MAGI2: variants seen among roughly 807,000 people sequenced by gnomAD.
MAGI2 encodes membrane associated guanylate kinase, WW and PDZ domain containing 2.
Under a neutral mutation model 133.3 loss-of-function variants are expected in MAGI2, and 35 were observed. That is an observed-to-expected ratio of 0.26 (90% CI 0.20 to 0.35). The LOEUF is 0.35. Ranked by LOEUF, MAGI2 falls within the 10% of genes least tolerant of loss-of-function variation. The probability of loss-of-function intolerance (pLI) is 1.00; values close to 1 mark genes in which losing one functional copy is unlikely to be tolerated. For synonymous variants in MAGI2, 729 were observed against 710.6 expected, an observed-to-expected ratio of 1.03 and a Z score of -0.41; for missense variants, 1,636 against 1,863.4, an observed-to-expected ratio of 0.88 and a Z score of 2.25.
intron 6 of MAGI2, among the ~76,000 whole-genome samples, chr7:78,435,496 G>A (rs967559464): frequency 3.9e-5 from 6 of 152,054 alleles, no homozygotes; most frequent in African/African-American, 1.4e-4. Context: ...CTCCAGCTGA[G>A]CCTACCCTGG....
intron 10 of MAGI2, among the ~76,000 whole-genome samples, chr7:78,214,917 T>C (rs893707076): frequency 1.3e-5 from 2 of 152,220 alleles, no homozygotes; most frequent in African/African-American, 4.8e-5. Flanking sequence ...CCTGTAGAAC[T>C]TCCCAGGCAG....
At chr7:78,275,934 A>G (rs958375720) in intron 9 of MAGI2, among the ~76,000 whole-genome samples, 3 of 152,174 alleles carry the variant, frequency 2.0e-5, no homozygotes, top group Admixed American at 6.5e-5. Context: ...TTTCAGTTTT[A>G]GTTACACAGA....
chr7:78,418,960 C>T (rs772312685), intron 6 of MAGI2, among the ~76,000 whole-genome samples: 1 of 152,056 alleles, frequency 6.6e-6, no homozygotes, highest in Non-Finnish European at 1.5e-5. Flanking sequence ...AGGAGGAGGT[C>T]AGCAAGAAAT....
At chr7:78,592,632 A>G (rs1055633001) in intron 3 of MAGI2, among the ~76,000 whole-genome samples, 8 of 152,186 alleles carry the variant, frequency 5.3e-5, no homozygotes, top group African/African-American at 1.9e-4. Context: ...TAAAACTCAC[A>G]CAGGAAATAT....
intron 3 of MAGI2, among the ~76,000 whole-genome samples, chr7:78,551,567 A>G (rs907824408): frequency 6.6e-6 from 1 of 152,210 alleles, no homozygotes; most frequent in Admixed American, 6.5e-5. Flanking sequence ...TGAATAATAT[A>G]CCCACTGCAT....
chr7:79,020,118 G>A (rs997088214), intron 1 of MAGI2, among the ~76,000 whole-genome samples: 8 of 152,300 alleles, frequency 5.3e-5, no homozygotes, highest in Admixed American at 5.2e-4. Context: ...CTCAGTTGGA[G>A]ATGAGGAACT....
chr7:78,820,424 CGG>C (rs1563543998), intron 2 of MAGI2, among the ~76,000 whole-genome samples: 1 of 151,556 alleles, frequency 6.6e-6, no homozygotes, highest in Non-Finnish European at 1.5e-5. Context: ...CCTGAAGGAA[CGG>C]AGAGACATAG....
chr7:78,537,069 C>T (rs1563139572), intron 3 of MAGI2, among the ~76,000 whole-genome samples: 1 of 151,876 alleles, frequency 6.6e-6, no homozygotes, highest in Non-Finnish European at 1.5e-5. Context: ...TTTAGTTTTC[C>T]ATTCCTGAGT....
rs561035002 is a variant in MAGI2, at chr7:78,287,784, T to C, written c.1409-31203A>G. 7.7e-4 allele frequency among the ~76,000 whole-genome samples: 117 copies of C among 152,342 alleles called. 1 individual carries two copies. The South Asian group carries it at 0.023, about 31-fold the overall frequency. ...GCAATCATTTAAAAGTGTTTTTCTT[T>C]TTTCCTACAGAGAATGTTGTTAATA... On this transcript the variant is annotated intron_variant, in intron 9 of 21. Transcript: ENST00000354212.
intron 1 of MAGI2, among the ~76,000 whole-genome samples, chr7:79,107,704 C>T (rs935985565): frequency 2.6e-5 from 4 of 152,188 alleles, no homozygotes; most frequent in African/African-American, 9.7e-5. Flanking sequence ...TCTTCCTCCT[C>T]AAATGCATTT....
intron 1 of MAGI2, among the ~76,000 whole-genome samples, chr7:79,422,369 T>G (rs10240210): frequency 0.54 from 82,457 of 151,630 alleles, 24,969 homozygotes; most frequent in African/African-American, 0.81. Context: ...ATTATTTGAA[T>G]TAATCATATA....
intron 10 of MAGI2, among the ~76,000 whole-genome samples, chr7:78,224,694 ATT>A (rs566236945): frequency 0.012 from 1,637 of 142,306 alleles, 21 homozygotes; most frequent in African/African-American, 0.036. Context: ...AACAACGTAA[ATT>A]TTTTTTTTTT....
Position 78,531,906 on chromosome 7 carries a change from G to C in MAGI2, c.539-10261C>G, listed in dbSNP as rs1268628048. Among the ~76,000 whole-genome samples, 3 of 152,194 alleles carry C rather than the reference G, an allele frequency of 2.0e-5. No individual in the cohort carries two copies. In the East Asian group the frequency reaches 5.8e-4, roughly 29 times the overall value. ...ATTTGATTGTTGGTTAATGATTAAA[G>C]GAATTTGCCAAATATCAAATCTCTA... On this transcript the variant is annotated intron_variant, in intron 3 of 21. Coordinates refer to ENST00000354212, the MANE Select transcript of MAGI2 (RefSeq NM_012301.4).
At chr7:78,281,273 C>T (rs1795545601) in intron 9 of MAGI2, among the ~76,000 whole-genome samples, 2 of 151,810 alleles carry the variant, frequency 1.3e-5, no homozygotes, top group Admixed American at 6.6e-5. Flanking sequence ...TGGCTGTGTC[C>T]CCACCCAAAA....
chr7:78,411,082 G>A (rs535951409), intron 6 of MAGI2, among the ~76,000 whole-genome samples: 11 of 152,032 alleles, frequency 7.2e-5, no homozygotes, highest in African/African-American at 2.4e-4. Context: ...TGTTACTTAA[G>A]CATTTCAGTA....
At chr7:78,182,515 A>G (rs936752787) in intron 13 of MAGI2, among the ~76,000 whole-genome samples, 1 of 152,146 alleles carries the variant, frequency 6.6e-6, no homozygotes, top group African/African-American at 2.4e-5. Flanking sequence ...TCCATCCTAA[A>G]TATGACTTTG....
chr7:79,264,366 G>T (rs1042444639), intron 1 of MAGI2, among the ~76,000 whole-genome samples: 1 of 152,108 alleles, frequency 6.6e-6, no homozygotes. Flanking sequence ...GGGTTTTTTG[G>T]TAGGAAATTA....
chr7:79,153,241 T>C (rs555181472), intron 1 of MAGI2, among the ~76,000 whole-genome samples: 1 of 152,170 alleles, frequency 6.6e-6, no homozygotes, highest in Non-Finnish European at 1.5e-5. Flanking sequence ...CTACAAGCCA[T>C]TTATTTCATG....
At chr7:78,124,033 G>A (rs13438682) in intron 20 of MAGI2, among the ~76,000 whole-genome samples, 1,676 of 152,264 alleles carry the variant, frequency 0.011, 22 homozygotes, top group African/African-American at 0.032. Context: ...ATCCAGCAGC[G>A]AGTCATTTAG....
Sources: allele counts gnomAD v4.1 joint callset (sites outside exome capture counted in the v4.1 genomes callset), GRCh38; gene constraint gnomAD v4.1.1; transcripts MANE v1.5; gene names NCBI Gene and HGNC (gene_info 2026-07-23, HGNC 2026-07-21).